PPP1CB: variants seen among roughly 807,000 people sequenced by gnomAD.
The protein encoded by PPP1CB is serine/threonine-protein phosphatase PP1-beta catalytic subunit.
PPP1CB carries 2 observed loss-of-function variants against 43.7 expected under a neutral mutation model. The observed-to-expected ratio is 0.05, with a 90% CI of 0.02 to 0.14. The LOEUF is 0.14. PPP1CB is among the 10% of genes least tolerant of loss of function. PPP1CB has a pLI of 1.00. For missense variants in PPP1CB, 84 were observed against 398.0 expected, an observed-to-expected ratio of 0.21 and a Z score of 6.71; for synonymous variants, 136 against 135.6, an observed-to-expected ratio of 1.00 and a Z score of -0.02.
At chr2:28,797,383 A>C (rs1224249336) in intron 7 of PPP1CB, among the ~76,000 whole-genome samples, 1 of 152,042 alleles carries the variant, frequency 6.6e-6, no homozygotes, top group Non-Finnish European at 1.5e-5. Context: ...TCAGCTGTGA[A>C]TCTTTCTGGG....
At chr2:28,770,891 T>G (rs1487106197) in intron 1 of PPP1CB, among the ~76,000 whole-genome samples, 3 of 152,138 alleles carry the variant, frequency 2.0e-5, no homozygotes, top group Non-Finnish European at 4.4e-5. Flanking sequence ...CCAAAATCCA[T>G]TTAATGAAAA....
At chr2:28,780,886 C>T (rs1334182582) in intron 3 of PPP1CB, among the ~76,000 whole-genome samples, 2 of 151,580 alleles carry the variant, frequency 1.3e-5, no homozygotes, top group Admixed American at 6.6e-5. Flanking sequence ...TTTATACTTG[C>T]TATAGTGCCA....
At chr2:28,767,497 T>G (rs1666805146) in intron 1 of PPP1CB, among the ~76,000 whole-genome samples, 3 of 152,184 alleles carry the variant, frequency 2.0e-5, no homozygotes, top group Non-Finnish European at 4.4e-5. Context: ...GAGTATGCAC[T>G]GGTAGTAAAA....
intron 1 of PPP1CB, among the ~76,000 whole-genome samples, chr2:28,760,214 A>G (rs559888649): frequency 6.6e-6 from 1 of 152,368 alleles, no homozygotes; most frequent in South Asian, 2.1e-4. Context: ...ATATAAAGAA[A>G]ATATTGTACA....
At chr2:28,754,905 G>A (rs1040135462) in intron 1 of PPP1CB, among the ~76,000 whole-genome samples, 17 of 152,158 alleles carry the variant, frequency 1.1e-4, no homozygotes, top group African/African-American at 4.1e-4. Flanking sequence ...AATGCTGATT[G>A]TAGCCCCACA....
At chr2:28,755,008 GTTTTTC>G (rs1235832476) in intron 1 of PPP1CB, among the ~76,000 whole-genome samples, 1 of 151,850 alleles carries the variant, frequency 6.6e-6, no homozygotes, top group Non-Finnish European at 1.5e-5. Flanking sequence ...GTTGCTTTTT[GTTTTTC>G]TTTTTTAGGT....
chr2:28,784,306 G>T (rs190165617), intron 5 of PPP1CB, among the ~76,000 whole-genome samples: 6 of 152,260 alleles, frequency 3.9e-5, no homozygotes, highest in Admixed American at 2.6e-4. Flanking sequence ...TGTTAAATTA[G>T]ACAAAAGTTT....
At chr2:28,783,094 A>G (rs764694748) in intron 4 of PPP1CB, among the ~76,000 whole-genome samples, 2 of 152,196 alleles carry the variant, frequency 1.3e-5, no homozygotes, top group Non-Finnish European at 2.9e-5. Flanking sequence ...ATTGCAGAGT[A>G]TTTTTATGAG....
chr2:28,802,131 G>A lies in PPP1CB; in HGVS notation c.*2828G>A, dbSNP rs1011794553. 2.6e-5 allele frequency: 4 copies of A among 152,070 alleles called. No individual in the cohort carries two copies. The highest frequency in any genetic ancestry group is 5.9e-5 in the Non-Finnish European group (4 of 68,016). 9.4% of individuals were successfully genotyped at this position (152,070 alleles called of 1,614,324 possible). On this transcript the variant is annotated 3_prime_UTR_variant, in exon 8 of 8. Coordinates refer to ENST00000395366, the MANE Select transcript of PPP1CB (RefSeq NM_002709.3). ...AAATTTGAAGTATGAGTGTGTTCAC[G>A]AGAAACATAGGCTTTTCAAAAAAAT...
chr2:28,753,072 G>A (rs1398075280), intron 1 of PPP1CB, among the ~76,000 whole-genome samples: 3 of 152,208 alleles, frequency 2.0e-5, no homozygotes, highest in African/African-American at 7.2e-5. Context: ...GGAGTTAAAT[G>A]TATTGATTCA....
chr2:28,758,037 T>C (rs1004587998), intron 1 of PPP1CB, among the ~76,000 whole-genome samples: 95 of 151,852 alleles, frequency 6.3e-4, no homozygotes, highest in Non-Finnish European at 8.7e-4. Context: ...ATTTTTAATT[T>C]TTTTTAATTA....
rs561935687 is a variant in PPP1CB at position 28,766,498 on chromosome 2, T to G, written c.53-10353T>G. Among the ~76,000 whole-genome samples, 134 of 152,364 alleles carry G rather than the reference T, an allele frequency of 8.8e-4. No individual in the cohort carries two copies. The Middle Eastern group carries it at 0.017, about 19-fold the overall frequency. On this transcript the variant is annotated intron_variant, in intron 1 of 7. Coordinates refer to ENST00000395366, the MANE Select transcript of PPP1CB (RefSeq NM_002709.3). ...TACTTTACCATCATCAGTTGTGACA[T>G]ATCTTAGCAGATTACACTTCAGGTT...
chr2:28,775,274 A>G (rs1037622058), intron 1 of PPP1CB, among the ~76,000 whole-genome samples: 19 of 151,958 alleles, frequency 1.3e-4, no homozygotes, highest in Non-Finnish European at 1.5e-5. Flanking sequence ...TGCCCAGCTA[A>G]TTTTTTGTAT....
chr2:28,761,698 AAC>A (rs1432859709), intron 1 of PPP1CB, among the ~76,000 whole-genome samples: 1 of 152,230 alleles, frequency 6.6e-6, no homozygotes, highest in South Asian at 2.1e-4. Context: ...AAGTACGTAT[AAC>A]AGTTTCTTTA....
intron 1 of PPP1CB, among the ~76,000 whole-genome samples, chr2:28,769,225 T>A (rs1215657368): frequency 1.3e-5 from 2 of 152,006 alleles, no homozygotes; most frequent in Non-Finnish European, 2.9e-5. Flanking sequence ...AGAAAAAAAA[T>A]GACAACCTAG....
At chr2:28,755,541 C>G (rs1666470227) in intron 1 of PPP1CB, among the ~76,000 whole-genome samples, 2 of 152,190 alleles carry the variant, frequency 1.3e-5, no homozygotes, top group African/African-American at 2.4e-5. Flanking sequence ...ATTCTTGTGG[C>G]TTACCATAGT....
chr2:28,755,331 C>T (rs975880940), intron 1 of PPP1CB, among the ~76,000 whole-genome samples: 1 of 152,190 alleles, frequency 6.6e-6, no homozygotes, highest in Non-Finnish European at 1.5e-5. Flanking sequence ...TGTGCCACCG[C>T]GCCTGACCTT....
chr2:28,776,755 G>T, intron 1 of PPP1CB, 96 bp from the exon 2 acceptor site: 1 of 1,180,866 alleles, frequency 8.5e-7, no homozygotes, highest in Non-Finnish European at 1.2e-6. Context: ...CTGCCTGTGT[G>T]ACTTTTCTGA....
intron 2 of PPP1CB, chr2:28,778,468 T>C: frequency 2.1e-6 from 1 of 482,698 alleles, no homozygotes. Flanking sequence ...TTCAGTTCCT[T>C]ATAGACTGAT....
Sources: gnomAD v4.1 joint callset for allele counts (sites outside exome capture counted in the v4.1 genomes callset) on GRCh38, gnomAD v4.1.1 for gene constraint, MANE v1.5 for transcripts, NCBI Gene and HGNC (gene_info 2026-07-23, HGNC 2026-07-21) for gene names.